SUGCT: variants seen among roughly 807,000 people sequenced by gnomAD.
SUGCT encodes the protein succinyl-CoA:glutarate CoA-transferase.
In SUGCT, 41 loss-of-function variants were observed where a neutral mutation model predicts 55.0. The ratio of observed to expected loss-of-function variants is 0.74; its 90% CI spans 0.58 to 0.97. The LOEUF is 0.97. Ranked by LOEUF, SUGCT falls within the 50% of genes least tolerant of loss-of-function variation. The pLI, the probability that SUGCT is intolerant of heterozygous loss-of-function variation, is 0.00. For missense variants in SUGCT, 568 were observed against 547.8 expected, an observed-to-expected ratio of 1.04 and a Z score of -0.37; for synonymous variants, 187 against 200.4, an observed-to-expected ratio of 0.93 and a Z score of 0.56.
At chr7:40,946,519 G>A in the SUGCT span, among the ~76,000 whole-genome samples, 30 of 152,300 alleles carry the variant, frequency 2.0e-4, no homozygotes, top group South Asian at 2.5e-3. Flanking sequence ...GGCTAATCCA[G>A]CTCCTATGTG....
chr7:40,484,207 G>A (rs1290455322), intron 11 of SUGCT, among the ~76,000 whole-genome samples: 1 of 152,208 alleles, frequency 6.6e-6, no homozygotes, highest in African/African-American at 2.4e-5. Context: ...GCAGTGTGTA[G>A]TGAGATGGGC....
chr7:40,592,859 C>T (rs571308347), intron 12 of SUGCT, among the ~76,000 whole-genome samples: 1 of 152,226 alleles, frequency 6.6e-6, no homozygotes, highest in South Asian at 2.1e-4. Context: ...TGGGTATGGT[C>T]CCTAGAGGTC....
chr7:40,252,450 T>G lies in SUGCT; in HGVS notation c.576+14724T>G, dbSNP rs73316548. ...ACTCTGTTTTTTATTGTGATAAATG[T>G]TTGGGGTACCTTTCAAACAATGTAA... On this transcript the variant is annotated intron_variant, in intron 7 of 13. Transcript: ENST00000335693. Among the ~76,000 whole-genome samples the G allele has an allele frequency of 6.2e-3, 946 of 152,148 alleles. 7 individuals carry two copies. The highest frequency in any genetic ancestry group is 0.022 in the African/African-American group (893 of 41,508).
intron 12 of SUGCT, among the ~76,000 whole-genome samples, chr7:40,520,891 G>C (rs1025435032): frequency 2.6e-5 from 4 of 152,082 alleles, no homozygotes; most frequent in Admixed American, 6.6e-5. Context: ...ACATTTTCTT[G>C]TATTTATCCT....
intron 12 of SUGCT, among the ~76,000 whole-genome samples, chr7:40,660,508 C>A (rs546516767): frequency 6.6e-6 from 1 of 152,148 alleles, no homozygotes; most frequent in Non-Finnish European, 1.5e-5. Context: ...CTGCCCGCCT[C>A]GGCCTCCCAA....
intron 7 of SUGCT, among the ~76,000 whole-genome samples, chr7:40,242,110 C>T (rs184908898): frequency 6.6e-6 from 1 of 151,952 alleles, no homozygotes; most frequent in East Asian, 1.9e-4. Flanking sequence ...AGACATTTTA[C>T]ATATGTATTT....
At chr7:40,425,842 A>G (rs578260321) in intron 9 of SUGCT, among the ~76,000 whole-genome samples, 22 of 152,276 alleles carry the variant, frequency 1.4e-4, no homozygotes, top group African/African-American at 5.1e-4. Flanking sequence ...AGCAGATTCA[A>G]AGTCAGACAA....
intron 11 of SUGCT, among the ~76,000 whole-genome samples, chr7:40,488,731 G>T (rs1036081790): frequency 6.6e-6 from 1 of 151,996 alleles, no homozygotes; most frequent in African/African-American, 2.4e-5. Flanking sequence ...TAACATGCTG[G>T]GTACAGTATT....
At chr7:40,278,827 A>ATT (rs1554300621) in intron 8 of SUGCT, among the ~76,000 whole-genome samples, 5 of 46,980 alleles carry the variant, frequency 1.1e-4, no homozygotes, top group Non-Finnish European at 1.8e-4. Flanking sequence ...CAGATCTTAC[A>ATT]TTTTTTTTTT....
chr7:40,558,414 G>C (rs1338219546), intron 12 of SUGCT, among the ~76,000 whole-genome samples: 1 of 152,168 alleles, frequency 6.6e-6, no homozygotes, highest in Non-Finnish European at 1.5e-5. Flanking sequence ...GTATACAATG[G>C]AATATTAGTT....
At chr7:40,617,792 T>C (rs1036719012) in intron 12 of SUGCT, among the ~76,000 whole-genome samples, 15 of 152,198 alleles carry the variant, frequency 9.9e-5, no homozygotes, top group Non-Finnish European at 4.4e-5. Flanking sequence ...TTCAGTGATA[T>C]AACCCTTGTG....
Position 40,517,239 on chromosome 7 carries a change from T to TC in SUGCT, c.1089+20854dup, listed in dbSNP as rs201078263. The stretch of plus-strand genomic sequence containing the variant: ...AGTTCCAGTAGCATTTTTTTTTTTT[T>TC]CGATGTGAATTCCTTAGGATTTTTT... On this transcript the variant is annotated intron_variant, in intron 12 of 13. Transcript: ENST00000335693. Among the ~76,000 whole-genome samples, 972 of 150,550 alleles carry TC rather than the reference T, an allele frequency of 6.5e-3. 14 individuals carry two copies. The highest frequency in any genetic ancestry group is 0.034 in the East Asian group (178 of 5,178).
At chr7:40,155,498 C>A (rs993229527) in intron 1 of SUGCT, among the ~76,000 whole-genome samples, 1 of 152,066 alleles carries the variant, frequency 6.6e-6, no homozygotes, top group African/African-American at 2.4e-5. Context: ...ACAAAAAGAT[C>A]CTTGTAGCAC....
At chr7:40,854,410 TCTTTCTTTC>T (rs200574362) in intron 13 of SUGCT, among the ~76,000 whole-genome samples, 12,540 of 94,402 alleles carry the variant, frequency 0.13, 922 homozygotes, top group East Asian at 0.44. Flanking sequence ...TTTCTTTCTT[TCTTTCTTTC>T]CTTTCTTTCT....
intron 9 of SUGCT, among the ~76,000 whole-genome samples, chr7:40,439,064 G>GTGTATGTA (rs1283539157): frequency 2.6e-4 from 7 of 27,192 alleles, no homozygotes; most frequent in Non-Finnish European, 4.8e-4. Flanking sequence ...TATATATGGT[G>GTGTATGTA]TATATATATA....
chr7:40,584,240 G>A (rs1205208058), intron 12 of SUGCT, among the ~76,000 whole-genome samples: 1 of 152,180 alleles, frequency 6.6e-6, no homozygotes, highest in Non-Finnish European at 1.5e-5. Flanking sequence ...ACATCTTGGA[G>A]TGCTTTACAA....
the SUGCT span, among the ~76,000 whole-genome samples, chr7:40,950,715 C>T: frequency 1.3e-5 from 2 of 152,110 alleles, no homozygotes; most frequent in Non-Finnish European, 2.9e-5. Context: ...TTGAGATAAT[C>T]GTGTGGTTTT....
chr7:40,554,955 C>G (rs1328447071), intron 12 of SUGCT, among the ~76,000 whole-genome samples: 1 of 152,172 alleles, frequency 6.6e-6, no homozygotes, highest in African/African-American at 2.4e-5. Context: ...GCCCATGAAA[C>G]TGCTATTCCT....
chr7:40,941,459 A>G, the SUGCT span, among the ~76,000 whole-genome samples: 89 of 152,226 alleles, frequency 5.8e-4, no homozygotes, highest in Middle Eastern at 3.4e-3. Context: ...ACTTAAAAAA[A>G]TTTATTGAGA....
Sources: gnomAD v4.1 joint callset for allele counts (sites outside exome capture counted in the v4.1 genomes callset) on GRCh38, gnomAD v4.1.1 for gene constraint, MANE v1.5 for transcripts, NCBI Gene and HGNC (gene_info 2026-07-23, HGNC 2026-07-21) for gene names.